The following LPIN3 variants were observed in gnomAD, a reference collection of about 807,000 sequenced individuals.
LPIN3 encodes the protein lipin 3.
In LPIN3, 82 loss-of-function variants were observed where a neutral mutation model predicts 94.7. The ratio of observed to expected loss-of-function variants is 0.87; its 90% CI spans 0.72 to 1.04. The LOEUF is 1.04. LPIN3 is among the 50% of genes least tolerant of loss of function. The pLI is 0.00. For synonymous variants in LPIN3, 418 were observed against 443.3 expected (o/e 0.94, Z 0.72); for missense variants, 996 against 1,090.5 (o/e 0.91, Z 1.22).
intron 2 of LPIN3, 67 bp downstream of exon 2, chr20:41,346,062 A>G: frequency 1.3e-6 from 2 of 1,535,598 alleles, no homozygotes; most frequent in South Asian, 1.2e-5. Flanking sequence ...CAGCCACTAC[A>G]GTCCCAGGAC....
chr20:41,341,533 G>A (rs1010437170), intron 1 of LPIN3, among the ~76,000 whole-genome samples: 1 of 152,236 alleles, frequency 6.6e-6, no homozygotes, highest in Non-Finnish European at 1.5e-5. Flanking sequence ...TAGTCCTAGG[G>A]CAGCTTGCTC....
intron 1 of LPIN3, among the ~76,000 whole-genome samples, chr20:41,343,604 T>C (rs2045664444): frequency 6.6e-6 from 1 of 152,238 alleles, no homozygotes; most frequent in South Asian, 2.1e-4. Flanking sequence ...CTTCATCCGA[T>C]GTCCTAGGAT....
intron 17 of LPIN3, 22 bp from the exon 18 acceptor site, chr20:41,358,215 G>T: frequency 6.2e-7 from 1 of 1,611,226 alleles, no homozygotes; most frequent in Non-Finnish European, 8.5e-7. Context: ...CCCCTTCCCT[G>T]CTGTGGTTCT....
At chr20:41,343,485 G>A (rs959306096) in intron 1 of LPIN3, among the ~76,000 whole-genome samples, 1 of 152,226 alleles carries the variant, frequency 6.6e-6, no homozygotes, top group African/African-American at 2.4e-5. Flanking sequence ...CTTGATTTGA[G>A]TGACATCTTA....
chr20:41,345,968 G>A lies in LPIN3; in HGVS notation c.165G>A (p.Leu55=). The A allele has an allele frequency of 6.2e-7, 1 of 1,614,018 alleles. No individual in the cohort carries two copies. Among genetic ancestry groups the A allele is most frequent in the Non-Finnish European group, 8.5e-7 (1 of 1,179,974 alleles). ...CSPFHVRFGK[L]GVLRSREKVV... ...CCTTCCACGTGCGTTTTGGCAAGCT[G>A]GGCGTCCTGCGGTCGCGGGAGAAGG... is the stretch of plus-strand genomic sequence containing the variant. Residue 55 remains leucine, a synonymous_variant, in exon 2 of 20, where the codon CTG becomes CTA. Coordinates refer to ENST00000373257, the MANE Select transcript of LPIN3 (RefSeq NM_022896.3).
At position 41,355,969 on chromosome 20, in the gene LPIN3, C is replaced by A; in HGVS notation, c.1738C>A (p.Pro580Thr). The A allele has an allele frequency of 6.2e-7, 1 of 1,613,996 alleles. No individual in the cohort carries two copies. Among genetic ancestry groups the A allele is most frequent in the Non-Finnish European group, 8.5e-7 (1 of 1,179,910 alleles). Reference protein sequence around the residue: ...SPVILEIPSLPPSTPPSTPTY... With the variant: ...SPVILEIPSLTPSTPPSTPTY... ...TGTGATCCTGGAGATCCCCTCCTTG[C>A]CACCCTCCACTCCACCCTCCACTCC... The change falls in exon 14 of 20, where the codon CCA becomes ACA. Residue 580 changes from proline to threonine, a missense_variant. Transcript: ENST00000373257.
At chr20:41,341,509 G>A (rs560794463) in intron 1 of LPIN3, among the ~76,000 whole-genome samples, 1 of 152,180 alleles carries the variant, frequency 6.6e-6, no homozygotes, top group Non-Finnish European at 1.5e-5. Flanking sequence ...TGGGAGCCCC[G>A]AGGGCTGAGA....
At chr20:41,351,757 G>C in intron 7 of LPIN3, 64 bp from the exon 8 acceptor site, 1 of 1,443,226 alleles carries the variant, frequency 6.9e-7, no homozygotes, top group Non-Finnish European at 9.7e-7. Context: ...GAGTCAGAGG[G>C]CACTTACTGT....
intron 7 of LPIN3, 88 bp downstream of exon 7, chr20:41,350,485 C>T: frequency 1.9e-6 from 2 of 1,052,752 alleles, no homozygotes; most frequent in South Asian, 3.3e-5. Flanking sequence ...ATTTTGAGCA[C>T]CTGCTGTGTG....
chr20:41,353,006 G>C (rs2046083056), intron 11 of LPIN3, 139 bp downstream of exon 11: 2 of 929,448 alleles, frequency 2.2e-6, no homozygotes, highest in African/African-American at 3.3e-5. Flanking sequence ...ACTCACTCTG[G>C]GAGAGGCGAC....
At chr20:41,347,405 G>A in intron 2 of LPIN3, 147 bp from the exon 3 acceptor site, 2 of 688,138 alleles carry the variant, frequency 2.9e-6, no homozygotes, top group Non-Finnish European at 5.1e-6. Flanking sequence ...GTGGGGAGCA[G>A]CCAGGCACTT....
rs1453725337 is a variant in LPIN3 at position 41,358,508 on chromosome 20, C to T, written c.2377C>T (p.Leu793Phe). 1 of 1,614,094 alleles carries T rather than the reference C, an allele frequency of 6.2e-7. No individual in the cohort carries two copies. Among genetic ancestry groups the T allele is most frequent in the South Asian group, 1.1e-5 (1 of 91,084 alleles). ...RIFTVNPRGELIQELIKNHKS... is the reference protein window; with the variant it reads ...RIFTVNPRGEFIQELIKNHKS... ...CTTCACAGTCAACCCCCGGGGAGAGCTCATCCAGGAGCTCATAAAGAACCA... is the reference window on the plus strand; with the variant it reads ...CTTCACAGTCAACCCCCGGGGAGAGTTCATCCAGGAGCTCATAAAGAACCA... The change falls in exon 19 of 20, where the codon CTC (leucine) becomes TTC (phenylalanine). Residue 793 changes from leucine to phenylalanine, a missense_variant. By Grantham distance (22) the Leu-to-Phe change is conservative (BLOSUM62 0). Coordinates refer to ENST00000373257, the MANE Select transcript of LPIN3 (RefSeq NM_022896.3).
rs559828888 is a variant in LPIN3 at position 41,358,856 on chromosome 20, C to T, written c.2546C>T (p.Thr849Ile). 6.2e-7 allele frequency: 1 copy of T among 1,613,996 alleles called. No individual in the cohort carries two copies. The highest frequency in any genetic ancestry group is 8.5e-7 in the Non-Finnish European group (1 of 1,179,964). ...CCACTGCCTGCTGTGGACCTTGATA[C>T]CCTGGACTGAACCTGCCCTGGCTGG... is the stretch of plus-strand genomic sequence containing the variant. Reference protein sequence around the residue: ...REPLPAVDLDTLD With the variant: ...REPLPAVDLDILD Residue 849 changes from threonine (T) to isoleucine (I), a missense_variant, in exon 20 of 20, where the codon ACC becomes ATC. By Grantham distance (89) the Thr-to-Ile change is moderately conservative. Transcript: ENST00000373257.
Position 41,352,713 on chromosome 20 carries a change from C to G in LPIN3, c.1457+14C>G, listed in dbSNP as rs2046069483. The G allele has an allele frequency of 1.2e-6, 2 of 1,613,178 alleles. No homozygotes were observed. The highest frequency in any genetic ancestry group is 1.7e-6 in the Non-Finnish European group (2 of 1,179,224). On this transcript the variant is annotated intron_variant, in intron 10 of 19. Transcript: ENST00000373257. Reference sequence around the variant, plus strand: ...AATCAATGGAAAGTAAGTCCCAGAGCTGGGGCTGCTGGCAGCCGGAGAGTC... The same window carrying G: ...AATCAATGGAAAGTAAGTCCCAGAGGTGGGGCTGCTGGCAGCCGGAGAGTC...
intron 7 of LPIN3, 68 bp from the exon 8 acceptor site, chr20:41,351,753 G>C: frequency 7.0e-7 from 1 of 1,425,318 alleles, no homozygotes; most frequent in South Asian, 1.2e-5. Flanking sequence ...TTCAGAGTCA[G>C]AGGGCACTTA....
In LPIN3 at chr20:41,352,105, G is replaced by A. The variant is rs2046038687; in HGVS notation, c.1248G>A (p.Gln416=). The A allele has an allele frequency of 6.2e-7, 1 of 1,614,220 alleles. No homozygotes were observed. Residue 416 remains glutamine, a synonymous_variant, in exon 9 of 20, where the codon CAG becomes CAA. Coordinates refer to ENST00000373257, the MANE Select transcript of LPIN3 (RefSeq NM_022896.3). ...GARRWSEPSS[Q]KSLRDPNPEH... is the part of the protein sequence containing the mutation. ...GAAGATGGAGTGAACCCAGCAGTCA[G>A]AAGTCCCTGAGGGACCCCAACCCTG...
intron 9 of LPIN3, 80 bp downstream of exon 9, chr20:41,352,300 G>A (rs1465856101): frequency 2.0e-6 from 3 of 1,524,982 alleles, no homozygotes; most frequent in East Asian, 2.3e-5. Flanking sequence ...GACTGTGAGG[G>A]TGGGGCAGTA....
chr20:41,347,636 G>C lies in LPIN3; in HGVS notation c.277G>C (p.Glu93Gln). The change falls in exon 3 of 20, where the codon GAG becomes CAG. Residue 93 changes from glutamate (E) to glutamine (Q), a missense_variant. Glu to Gln is a conservative substitution (Grantham distance 29). Coordinates refer to ENST00000373257, the MANE Select transcript of LPIN3 (RefSeq NM_022896.3). ...GGAGGCCTTCTTTGTTCAGGAGCTG[G>C]AGAGCGATGATGTGAGTCTGCCCTC... is the stretch of plus-strand genomic sequence containing the variant. Reference protein sequence around the residue: ...SGEAFFVQELESDDEHVPPGL... With the variant: ...SGEAFFVQELQSDDEHVPPGL... 1 of 1,613,790 alleles carries C rather than the reference G, an allele frequency of 6.2e-7. No individual in the cohort carries two copies. Among genetic ancestry groups the C allele is most frequent in the Admixed American group, 1.7e-5 (1 of 60,002 alleles).
Position 41,347,570 on chromosome 20 carries a change from G to A in LPIN3, c.211G>A (p.Gly71Arg), listed in dbSNP as rs368535082. The change falls in exon 3 of 20, where the codon GGG becomes AGG. Residue 71 changes from glycine (G) to arginine (R), a missense_variant. Coordinates refer to ENST00000373257, the MANE Select transcript of LPIN3 (RefSeq NM_022896.3). ...TTTGCAGGTAGACATTGAGCTCAAT[G>A]GGGAGCCTGTGGACTTGCACATGAA... is the stretch of plus-strand genomic sequence containing the variant. ...REKVVDIELNGEPVDLHMKLG... is the reference protein window; with the variant it reads ...REKVVDIELNREPVDLHMKLG... The A allele has an allele frequency of 6.2e-6, 10 of 1,614,078 alleles. No homozygotes were observed. Among genetic ancestry groups the A allele is most frequent in the Non-Finnish European group, 7.6e-6 (9 of 1,180,024 alleles).
Sources: gnomAD v4.1 joint callset for allele counts (sites outside exome capture counted in the v4.1 genomes callset) on GRCh38, gnomAD v4.1.1 for gene constraint, MANE v1.5 for transcripts, NCBI Gene and HGNC (gene_info 2026-07-23, HGNC 2026-07-21) for gene names.